ANKRD11: variants seen among roughly 807,000 people sequenced by gnomAD.
ANKRD11 encodes the protein ankyrin repeat domain-containing protein 11.
In ANKRD11, 17 loss-of-function variants were observed where a neutral mutation model predicts 195.7. The ratio of observed to expected loss-of-function variants is 0.09; its 90% CI spans 0.06 to 0.13. The LOEUF (loss-of-function observed/expected upper bound fraction) is 0.13, where lower values mean the gene tolerates loss of function less well. Among genes scored for constraint, ANKRD11 ranks in the 10% least tolerant of loss-of-function variants. The pLI is 1.00. For missense variants in ANKRD11, 3,735 were observed against 3,566.1 expected (o/e 1.05, Z -1.21); for synonymous variants, 1,953 against 1,528.1 (o/e 1.28, Z -6.49).
intron 4 of ANKRD11, among the ~76,000 whole-genome samples, chr16:89,292,607 C>T (rs973123291): frequency 6.6e-6 from 1 of 152,238 alleles, no homozygotes; most frequent in African/African-American, 2.4e-5. Context: ...ACCTGCGTCA[C>T]ACTCATGGGC....
In ANKRD11 at chr16:89,424,230, T is replaced by C. The variant is rs186109416; in HGVS notation, c.-144-5862A>G. ...TTTGAGTCAGGCAGATCACCTGAGG[T>C]TGGGAGTTCGAGACCAGCGTGGCCA... On this transcript the variant is annotated intron_variant, in intron 1 of 12. Coordinates refer to ENST00000301030, the MANE Select transcript of ANKRD11 (RefSeq NM_013275.6). 1.8e-3 allele frequency among the ~76,000 whole-genome samples: 269 copies of C among 152,156 alleles called. 2 individuals carry two copies. Among genetic ancestry groups the C allele is most frequent in the African/African-American group, 5.7e-3 (238 of 41,502 alleles).
At chr16:89,305,183 C>T in intron 4 of ANKRD11, 23 bp downstream of exon 4, 1 of 1,608,282 alleles carries the variant, frequency 6.2e-7, no homozygotes, top group Non-Finnish European at 8.5e-7. Flanking sequence ...GGGCTGACTG[C>T]AGGAGGGGCC....
intron 2 of ANKRD11, among the ~76,000 whole-genome samples, chr16:89,398,553 A>G (rs2041561393): frequency 6.6e-6 from 1 of 152,110 alleles, no homozygotes; most frequent in South Asian, 2.1e-4. Flanking sequence ...CCCATCTCTT[A>G]AAAAAAATTT....
chr16:89,357,315 C>T (rs945966680), intron 2 of ANKRD11, among the ~76,000 whole-genome samples: 2 of 152,172 alleles, frequency 1.3e-5, no homozygotes, highest in African/African-American at 2.4e-5. Flanking sequence ...GTGCTCACCA[C>T]GTGTCCCGGG....
chr16:89,411,762 T>C (rs1344815964), intron 2 of ANKRD11, among the ~76,000 whole-genome samples: 5 of 152,118 alleles, frequency 3.3e-5, no homozygotes, highest in Admixed American at 2.0e-4. Flanking sequence ...TTTTTCCCAA[T>C]GGACAACACA....
At chr16:89,470,128 C>T (rs1248932816) in intron 1 of ANKRD11, among the ~76,000 whole-genome samples, 1 of 151,666 alleles carries the variant, frequency 6.6e-6, no homozygotes, top group Admixed American at 6.6e-5. Context: ...GGATGGTCTC[C>T]GTGTCCTGAA....
chr16:89,373,011 T>C (rs1051288264), intron 2 of ANKRD11: 4 of 152,226 alleles, frequency 2.6e-5, no homozygotes, highest in African/African-American at 9.7e-5. Flanking sequence ...CCACAGTACG[T>C]GCGTTCACTG....
At chr16:89,441,594 C>T (rs903328705) in intron 1 of ANKRD11, among the ~76,000 whole-genome samples, 7 of 151,480 alleles carry the variant, frequency 4.6e-5, no homozygotes, top group South Asian at 2.1e-4. Context: ...GGTAAAACCC[C>T]ACCTCTACTA....
At chr16:89,298,228 A>C (rs1019674097) in intron 4 of ANKRD11, 1 of 152,294 alleles carries the variant, frequency 6.6e-6, no homozygotes, top group Admixed American at 6.5e-5. Context: ...GATGACAACC[A>C]AACAGAACGG....
At chr16:89,448,407 A>C (rs1009876913) in intron 1 of ANKRD11, among the ~76,000 whole-genome samples, 1 of 152,206 alleles carries the variant, frequency 6.6e-6, no homozygotes, top group African/African-American at 2.4e-5. Flanking sequence ...CTTCTCCCTG[A>C]TCTGTCAGAA....
chr16:89,473,797 A>C (rs544149385), intron 1 of ANKRD11, among the ~76,000 whole-genome samples: 1 of 152,256 alleles, frequency 6.6e-6, no homozygotes, highest in East Asian at 1.9e-4. Flanking sequence ...CCTTGTAGCC[A>C]CCTTGCCCGG....
Position 89,271,111 on chromosome 16 carries a change from G to A in ANKRD11, c.7714-202C>T, listed in dbSNP as rs143278177. 135 of 627,570 alleles carry A rather than the reference G, an allele frequency of 2.2e-4. 1 individual carries two copies. Among genetic ancestry groups the A allele is most frequent in the African/African-American group, 2.0e-3 (109 of 55,686 alleles). The allele number at this position is 627,570 out of a possible 1,614,324, so 38.9% of individuals were successfully genotyped here. On this transcript the variant is annotated intron_variant, in intron 11 of 12. Coordinates refer to ENST00000301030, the MANE Select transcript of ANKRD11 (RefSeq NM_013275.6). ...TCCCTAAACAGCCTCCCTAAAATGC[G>A]CGTGGAGGCAGCTGGGCCTTTGTCT...
At position 89,304,486 on chromosome 16, in the gene ANKRD11, G is replaced by A. The variant is rs545366603; in HGVS notation, c.226+720C>T. Reference sequence around the variant, plus strand: ...CAGGCACACATGGGCACACATACACGGGCATAGACGGGCACGCATACACAG... The same window carrying A: ...CAGGCACACATGGGCACACATACACAGGCATAGACGGGCACGCATACACAG... On this transcript the variant is annotated intron_variant, in intron 4 of 12. Coordinates refer to ENST00000301030, the MANE Select transcript of ANKRD11 (RefSeq NM_013275.6). 3.4e-5 allele frequency among the ~76,000 whole-genome samples: 5 copies of A among 149,044 alleles called. No homozygotes were observed. The South Asian group carries it at 8.6e-4, about 26-fold the overall frequency.
At chr16:89,311,438 T>C (rs2036602165) in intron 3 of ANKRD11, among the ~76,000 whole-genome samples, 1 of 152,192 alleles carries the variant, frequency 6.6e-6, no homozygotes, top group Non-Finnish European at 1.5e-5. Flanking sequence ...AGAACCTCTA[T>C]GTTTACCTCA....
intron 1 of ANKRD11, among the ~76,000 whole-genome samples, chr16:89,478,614 C>T (rs551277195): frequency 1.3e-5 from 2 of 152,336 alleles, no homozygotes; most frequent in East Asian, 3.9e-4. Context: ...AACAGTCACC[C>T]CCCAGAGCGA....
intron 2 of ANKRD11, among the ~76,000 whole-genome samples, chr16:89,409,544 C>T (rs1024941147): frequency 6.6e-6 from 1 of 152,108 alleles, no homozygotes; most frequent in Non-Finnish European, 1.5e-5. Flanking sequence ...CTGGGTGCTG[C>T]GACTCACGCC....
intron 4 of ANKRD11, among the ~76,000 whole-genome samples, chr16:89,295,832 G>C (rs1336336995): frequency 3.0e-5 from 4 of 132,552 alleles, no homozygotes; most frequent in Non-Finnish European, 6.5e-5. Flanking sequence ...GGATCGGAGG[G>C]GGGATGCGAC....
chr16:89,459,126 T>C (rs940264604), intron 1 of ANKRD11: 6 of 193,380 alleles, frequency 3.1e-5, no homozygotes, highest in African/African-American at 1.4e-4. Context: ...AATAAATTCT[T>C]GATGAGTTTC....
At chr16:89,383,708 C>A (rs1012415467) in intron 2 of ANKRD11, among the ~76,000 whole-genome samples, 5 of 152,138 alleles carry the variant, frequency 3.3e-5, no homozygotes, top group African/African-American at 1.2e-4. Flanking sequence ...GCCCTCGGAC[C>A]AGCAACGCAG....
Sources: allele counts gnomAD v4.1 joint callset (sites outside exome capture counted in the v4.1 genomes callset), GRCh38; gene constraint gnomAD v4.1.1; transcripts MANE v1.5; gene names NCBI Gene and HGNC (gene_info 2026-07-23, HGNC 2026-07-21).